The following MARS1 variants were observed in gnomAD, a reference collection of about 807,000 sequenced individuals.
MARS1 encodes methionine--tRNA ligase, cytoplasmic.
Under a neutral mutation model 119.5 loss-of-function variants are expected in MARS1, and 80 were observed. The ratio of observed to expected loss-of-function variants is 0.67; its 90% CI spans 0.56 to 0.81. The LOEUF is 0.81. MARS1 is among the 30% of genes least tolerant of loss of function. The pLI is 0.00. For synonymous variants in MARS1, 418 were observed against 433.4 expected (o/e 0.96, Z 0.44); for missense variants, 945 against 1,116.5 (o/e 0.85, Z 2.19).
Position 57,516,527 on chromosome 12 carries a change from G to A in MARS1, c.2649G>A (p.Leu883=). The stretch of plus-strand genomic sequence containing the variant: ...AACTCTTGGATCTAAAGAAACAGTT[G>A]GCTGTAGCTGAGGGGAAACCCCCTG... ...VAKLLDLKKQ[L]AVAEGKPPEA... is the part of the protein sequence containing the mutation. Residue 883 remains leucine (L), a synonymous_variant, in exon 21 of 21, where the codon TTG becomes TTA. Transcript: ENST00000262027. 1 of 1,611,956 alleles carries A rather than the reference G, an allele frequency of 6.2e-7. No individual in the cohort carries two copies. The highest frequency in any genetic ancestry group is 8.5e-7 in the Non-Finnish European group (1 of 1,179,444).
chr12:57,514,460 C>T (rs1470270288), intron 15 of MARS1, among the ~76,000 whole-genome samples: 1 of 152,056 alleles, frequency 6.6e-6, no homozygotes, highest in Non-Finnish European at 1.5e-5. Flanking sequence ...TGCGCCCGGC[C>T]GAGTAATGAC....
intron 17 of MARS1, 33 bp downstream of exon 17, chr12:57,515,091 A>G (rs758861182): frequency 1.2e-6 from 2 of 1,614,010 alleles, no homozygotes; most frequent in Admixed American, 3.3e-5. Context: ...CTAAAGGCAT[A>G]AAGTGGCTTG....
intron 7 of MARS1, among the ~76,000 whole-genome samples, chr12:57,495,068 C>G (rs550129222): frequency 5.9e-5 from 9 of 151,974 alleles, no homozygotes; most frequent in Admixed American, 3.3e-4. Context: ...CTCCTCACTT[C>G]CCAGACAGGG....
chr12:57,489,161 C>T, intron 2 of MARS1, 52 bp downstream of exon 2: 1 of 1,601,254 alleles, frequency 6.2e-7, no homozygotes, highest in Non-Finnish European at 8.6e-7. Flanking sequence ...TCAGGCCTCA[C>T]TGTCATTTGT....
chr12:57,507,462 C>A (rs1396942374), intron 11 of MARS1, among the ~76,000 whole-genome samples: 1 of 68,958 alleles, frequency 1.5e-5, no homozygotes, highest in African/African-American at 4.9e-5. Flanking sequence ...CCGGACGGGG[C>A]GGCTGGCCGG....
intron 7 of MARS1, among the ~76,000 whole-genome samples, chr12:57,491,890 A>G (rs1197568209): frequency 6.6e-6 from 1 of 152,240 alleles, no homozygotes. Flanking sequence ...ACAGAGGGGA[A>G]CAAGACAGAC....
At chr12:57,511,501 C>T (rs748277675) in intron 11 of MARS1, 197 bp from the exon 12 acceptor site, 23 of 588,914 alleles carry the variant, frequency 3.9e-5, no homozygotes, top group Non-Finnish European at 6.0e-5. Context: ...TGCTTGAGCC[C>T]AGGAGGTTTA....
chr12:57,500,852 T>C (rs1490340418), intron 10 of MARS1, among the ~76,000 whole-genome samples: 1 of 152,284 alleles, frequency 6.6e-6, no homozygotes, highest in East Asian at 1.9e-4. Flanking sequence ...AATTTATTTC[T>C]TCATTCATTT....
Position 57,512,244 on chromosome 12 carries a change from G to A in MARS1, c.1644G>A (p.Leu548=). ...RWWKNPEQVD[L]YQFMAKDNVP... is the part of the protein sequence containing the mutation. ...TAACCACATTCCCCTAGGTGGACCTGTATCAGTTCATGGCCAAAGACAATG... is the reference window on the plus strand; with the variant it reads ...TAACCACATTCCCCTAGGTGGACCTATATCAGTTCATGGCCAAAGACAATG... Residue 548 remains leucine (L), a synonymous_variant, in exon 14 of 21, where the codon CTG becomes CTA. Coordinates refer to ENST00000262027, the MANE Select transcript of MARS1 (RefSeq NM_004990.4). The A allele has an allele frequency of 6.2e-7, 1 of 1,613,886 alleles. No individual in the cohort carries two copies. Among genetic ancestry groups the A allele is most frequent in the Non-Finnish European group, 8.5e-7 (1 of 1,179,754 alleles).
At chr12:57,512,150 G>T (rs1877553269) in intron 13 of MARS1, 47 bp downstream of exon 13, 2 of 1,604,348 alleles carry the variant, frequency 1.2e-6, no homozygotes, top group African/African-American at 2.7e-5. Context: ...TAGGCGGTAG[G>T]GTGTGGGTGT....
chr12:57,510,529 G>A (rs914236231), intron 11 of MARS1, among the ~76,000 whole-genome samples: 1 of 151,960 alleles, frequency 6.6e-6, no homozygotes, highest in Non-Finnish European at 1.5e-5. Context: ...CCAATGCTTT[G>A]GGAGGCCAAG....
chr12:57,488,932 T>C lies in MARS1; in HGVS notation c.110-87T>C, dbSNP rs1594805399. ...TGCCCATCTTTCTTTTTTTACTCAC[T>C]GAACAATGCAAGGTTATCCTAAGTT... On this transcript the variant is annotated intron_variant, in intron 1 of 20. Transcript: ENST00000262027. 3.7e-6 allele frequency: 4 copies of C among 1,090,982 alleles called. No individual in the cohort carries two copies. In the East Asian group the frequency reaches 9.4e-5, roughly 26 times the overall value. 67.6% of individuals were successfully genotyped at this position (1,090,982 alleles called of 1,614,324 possible). A position where few individuals can be genotyped will look rare whatever the true frequency, so the allele number is the denominator to read the frequency against.
intron 9 of MARS1, chr12:57,500,112 A>G: frequency 3.4e-6 from 2 of 589,510 alleles, no homozygotes; most frequent in Non-Finnish European, 6.1e-6. Flanking sequence ...GTTGAGGGGA[A>G]AGATTATGTG....
intron 5 of MARS1, 53 bp from the exon 6 acceptor site, chr12:57,490,154 C>T (rs2139999308): frequency 1.9e-6 from 3 of 1,571,986 alleles, no homozygotes; most frequent in Non-Finnish European, 2.6e-6. Flanking sequence ...GATGCCCGCT[C>T]CTGCCTACCA....
chr12:57,510,845 C>T (rs912253928), intron 11 of MARS1, among the ~76,000 whole-genome samples: 2 of 151,912 alleles, frequency 1.3e-5, no homozygotes, highest in Admixed American at 6.6e-5. Flanking sequence ...GAGGCTGAGG[C>T]GGGAGAATTG....
At chr12:57,496,894 T>C (rs566671997) in intron 7 of MARS1, among the ~76,000 whole-genome samples, 1 of 152,228 alleles carries the variant, frequency 6.6e-6, no homozygotes, top group Non-Finnish European at 1.5e-5. Flanking sequence ...CAGACTAAGC[T>C]GTGTTGGGCT....
At position 57,500,316 on chromosome 12, in the gene MARS1, A is replaced by T; in HGVS notation, c.1092-5A>T. On this transcript the variant is annotated splice_region_variant and splice_polypyrimidine_tract_variant and intron_variant, in intron 9 of 20. Coordinates refer to ENST00000262027, the MANE Select transcript of MARS1 (RefSeq NM_004990.4). ...CTCTTCCTGATCCCTGGCCCACCTC[A>T]CCAGAATCACCCAGGACATTTTCCA... The T allele has an allele frequency of 6.2e-7, 1 of 1,613,902 alleles. No homozygotes were observed. The highest frequency in any genetic ancestry group is 8.5e-7 in the Non-Finnish European group (1 of 1,179,820).
rs1284719043 is a variant in MARS1 at position 57,512,808 on chromosome 12, G to A, written c.1811G>A (p.Gly604Glu). 1.2e-6 allele frequency: 2 copies of A among 1,614,182 alleles called. No individual in the cohort carries two copies. Among genetic ancestry groups the A allele is most frequent in the Admixed American group, 1.7e-5 (1 of 59,988 alleles). Residue 604 changes from glycine (G) to glutamate (E), a missense_variant, in exon 15 of 21, where the codon GGG (glycine) becomes GAG (glutamate). Transcript: ENST00000262027. ...FSKSRGVGVF[G>E]DMAQDTGIPA... ...AAGAGCCGCGGTGTGGGAGTGTTTGGGGACATGGCCCAGGACACGGGGATC... is the reference window on the plus strand; with the variant it reads ...AAGAGCCGCGGTGTGGGAGTGTTTGAGGACATGGCCCAGGACACGGGGATC...
At position 57,489,332 on chromosome 12, in the gene MARS1, C is replaced by G. The variant is rs781061568; in HGVS notation, c.266C>G (p.Ala89Gly). Residue 89 changes from alanine (A) to glycine (G), a missense_variant, in exon 3 of 21, where the codon GCG (alanine) becomes GGG (glycine). Ala to Gly is a moderately conservative substitution (Grantham distance 60). Transcript: ENST00000262027. ...ACTAACCAGTGGCTGGAATGGGAAG[C>G]GACAGAGCTGCAGGTAGGACTAAGG... ...DLTNQWLEWE[A>G]TELQPALSAA... is the part of the protein sequence containing the mutation. 6.2e-7 allele frequency: 1 copy of G among 1,613,904 alleles called. No homozygotes were observed. The highest frequency in any genetic ancestry group is 8.5e-7 in the Non-Finnish European group (1 of 1,180,008).
Sources: allele counts gnomAD v4.1 joint callset (sites outside exome capture counted in the v4.1 genomes callset), GRCh38; gene constraint gnomAD v4.1.1; transcripts MANE v1.5; gene names NCBI Gene and HGNC (gene_info 2026-07-23, HGNC 2026-07-21).